SLC24A2: variants seen among roughly 807,000 people sequenced by gnomAD.
The protein encoded by SLC24A2 is sodium/potassium/calcium exchanger 2.
Under a neutral mutation model 62.0 loss-of-function variants are expected in SLC24A2, and 36 were observed. The observed-to-expected ratio is 0.58, with a 90% CI of 0.44 to 0.77. The LOEUF is 0.77. Among genes scored for constraint, SLC24A2 ranks in the 30% least tolerant of loss-of-function variants. SLC24A2 has a pLI of 0.00. For missense variants in SLC24A2, 846 were observed against 817.9 expected (o/e 1.03, Z -0.42); for synonymous variants, 358 against 294.0 (o/e 1.22, Z -2.23).
At chr9:20,177,014 T>C in the SLC24A2 span, among the ~76,000 whole-genome samples, 5 of 152,116 alleles carry the variant, frequency 3.3e-5, no homozygotes, top group Admixed American at 2.6e-4. Flanking sequence ...TATGCACTCT[T>C]CTTAGTCTTT....
chr9:19,916,185 T>A, the SLC24A2 span, among the ~76,000 whole-genome samples: 26 of 152,180 alleles, frequency 1.7e-4, no homozygotes, highest in South Asian at 4.1e-4. Flanking sequence ...TTTAGTGGTC[T>A]TGGAATCCTT....
intron 8 of SLC24A2, among the ~76,000 whole-genome samples, chr9:19,547,808 G>C (rs1834657084): frequency 6.6e-6 from 1 of 151,540 alleles, no homozygotes; most frequent in South Asian, 2.1e-4. Context: ...AAAAGCATTG[G>C]ACTAAACAGC....
At chr9:19,853,711 C>T in the SLC24A2 span, among the ~76,000 whole-genome samples, 2 of 152,190 alleles carry the variant, frequency 1.3e-5, no homozygotes, top group African/African-American at 4.8e-5. Flanking sequence ...TTTGATTTGC[C>T]AGTATTTTAT....
chr9:19,840,406 A>G, the SLC24A2 span, among the ~76,000 whole-genome samples: 5 of 152,146 alleles, frequency 3.3e-5, no homozygotes, highest in African/African-American at 9.7e-5. Context: ...CAGGCCTCTT[A>G]ATTCGAAATG....
At chr9:19,764,480 C>A (rs1822450543) in intron 2 of SLC24A2, among the ~76,000 whole-genome samples, 1 of 152,142 alleles carries the variant, frequency 6.6e-6, no homozygotes, top group Non-Finnish European at 1.5e-5. Context: ...TAGCTGTGTC[C>A]CAGAGATTCT....
At chr9:20,285,689 G>A in the SLC24A2 span, among the ~76,000 whole-genome samples, 1 of 152,106 alleles carries the variant, frequency 6.6e-6, no homozygotes, top group African/African-American at 2.4e-5. Flanking sequence ...CAAATTTCTG[G>A]GTCCAGTCAA....
the SLC24A2 span, among the ~76,000 whole-genome samples, chr9:19,840,138 T>C: frequency 6.6e-6 from 1 of 152,208 alleles, no homozygotes; most frequent in African/African-American, 2.4e-5. Flanking sequence ...ATTGAATTTG[T>C]GACTCAAAGA....
the SLC24A2 span, among the ~76,000 whole-genome samples, chr9:20,300,233 C>G: frequency 2.6e-5 from 4 of 152,226 alleles, no homozygotes; most frequent in African/African-American, 9.6e-5. Context: ...GGGTATCTAT[C>G]CCCTTGAGCA....
the SLC24A2 span, among the ~76,000 whole-genome samples, chr9:19,822,444 G>T: frequency 3.1e-4 from 47 of 152,184 alleles, no homozygotes; most frequent in Admixed American, 8.5e-4. Flanking sequence ...ATTTCTTTCA[G>T]GGCCTGTGAC....
rs1288181642 is a variant in SLC24A2, at chr9:19,636,286, C to CTTTTCTTTTCTT, written c.931-13988_931-13987insAAGAAAAGAAAA. ...TTTTCTTCTCTTCTTCTCTTCTTCT[C>CTTTTCTTTTCTT]TTCTTTTCTTTTCTTTTCTTTTCTT... On this transcript the variant is annotated intron_variant, in intron 2 of 10. Transcript: ENST00000341998. Among the ~76,000 whole-genome samples the CTTTTCTTTTCTT allele has an allele frequency of 5.0e-4, 44 of 88,120 alleles. 10 individuals are homozygous for CTTTTCTTTTCTT. The highest frequency in any genetic ancestry group is 1.9e-3 in the African/African-American group (38 of 20,346). 57.8% of individuals were successfully genotyped at this position (88,120 alleles called of 152,430 possible).
chr9:20,166,939 C>T, the SLC24A2 span, among the ~76,000 whole-genome samples: 1 of 152,040 alleles, frequency 6.6e-6, no homozygotes, highest in Non-Finnish European at 1.5e-5. Flanking sequence ...TGCCCAGGCT[C>T]AACCTAACCT....
intron 2 of SLC24A2, among the ~76,000 whole-genome samples, chr9:19,698,157 T>G (rs745684538): frequency 6.6e-6 from 1 of 152,170 alleles, no homozygotes; most frequent in Non-Finnish European, 1.5e-5. Flanking sequence ...AAATCTGAAA[T>G]GCTCCAAAAT....
the SLC24A2 span, among the ~76,000 whole-genome samples, chr9:19,995,462 A>T: frequency 6.6e-6 from 1 of 152,130 alleles, no homozygotes; most frequent in Non-Finnish European, 1.5e-5. Flanking sequence ...GAGCCACAGG[A>T]CTTAGGCTGT....
chr9:19,560,782 AG>A (rs1563965209), intron 7 of SLC24A2, among the ~76,000 whole-genome samples: 1 of 151,932 alleles, frequency 6.6e-6, no homozygotes, highest in Non-Finnish European at 1.5e-5. Flanking sequence ...GTGTTCACTT[AG>A]TTTATTTTTA....
At chr9:20,278,627 T>C in the SLC24A2 span, among the ~76,000 whole-genome samples, 1 of 152,224 alleles carries the variant, frequency 6.6e-6, no homozygotes. Flanking sequence ...TATCAGCATT[T>C]TGGTCAAAGC....
chr9:19,900,505 GTTC>G, the SLC24A2 span, among the ~76,000 whole-genome samples: 1,755 of 152,228 alleles, frequency 0.012, 44 homozygotes, highest in African/African-American at 0.04. Flanking sequence ...CTGAGTCCCA[GTTC>G]TTCTTCTACT....
the SLC24A2 span, among the ~76,000 whole-genome samples, chr9:19,898,245 C>G: frequency 1.3e-5 from 2 of 152,208 alleles, no homozygotes; most frequent in African/African-American, 4.8e-5. Flanking sequence ...CTTGTGGAAG[C>G]TGCTGCCCCC....
At chr9:19,731,525 G>GTC (rs1236395545) in intron 2 of SLC24A2, among the ~76,000 whole-genome samples, 2 of 120,064 alleles carry the variant, frequency 1.7e-5, no homozygotes, top group Admixed American at 9.2e-5. Context: ...CCGTGTGTGT[G>GTC]TGTGTGTGTG....
chr9:19,984,111 A>C, the SLC24A2 span, among the ~76,000 whole-genome samples: 1 of 152,206 alleles, frequency 6.6e-6, no homozygotes, highest in African/African-American at 2.4e-5. Flanking sequence ...GTTTATCAGA[A>C]TGTAACCCTG....
Sources: gnomAD v4.1 joint callset for allele counts (sites outside exome capture counted in the v4.1 genomes callset) on GRCh38, gnomAD v4.1.1 for gene constraint, MANE v1.5 for transcripts, NCBI Gene and HGNC (gene_info 2026-07-23, HGNC 2026-07-21) for gene names.